Variants in DERL2 observed in about 807,000 individuals in gnomAD.
DERL2 encodes derlin-2.
In DERL2, 13 loss-of-function variants were observed where a neutral mutation model predicts 32.0. The ratio of observed to expected loss-of-function variants is 0.41; its 90% CI spans 0.26 to 0.65. The LOEUF (loss-of-function observed/expected upper bound fraction) is 0.65. DERL2 is among the 30% of genes least tolerant of loss of function. DERL2 has a pLI of 0.35. For missense variants in DERL2, 208 were observed against 296.3 expected (o/e 0.70, Z 2.19); for synonymous variants, 111 against 104.7 (o/e 1.06, Z -0.37).
rs1365539756 is a variant in DERL2, at chr17:5,472,255, G to C, written c.*2429C>G. 1 of 152,168 alleles carries C rather than the reference G, an allele frequency of 6.6e-6. No individual in the cohort carries two copies. The highest frequency in any genetic ancestry group is 2.4e-5 in the African/African-American group (1 of 41,432). 9.4% of individuals were successfully genotyped at this position (152,168 alleles called of 1,614,324 possible). On this transcript the variant is annotated 3_prime_UTR_variant, in exon 7 of 7. Transcript: ENST00000158771. ...CCTCAAATTATGTGTAAGGTTAGTTGGTTGGTCTCAAAATTCCATGTATCA... is the reference window on the plus strand; with the variant it reads ...CCTCAAATTATGTGTAAGGTTAGTTCGTTGGTCTCAAAATTCCATGTATCA...
chr17:5,486,277 GC>G, upstream of DERL2: 1 of 813,006 alleles, frequency 1.2e-6, no homozygotes, highest in Non-Finnish European at 1.9e-6. Flanking sequence ...TCCCGCGACT[GC>G]CCAATCAACG....
chr17:5,480,208 C>A (rs933566284), intron 5 of DERL2, 64 bp from the exon 6 acceptor site: 102 of 1,275,994 alleles, frequency 8.0e-5, no homozygotes, highest in Middle Eastern at 1.9e-4. Context: ...GGTAGACCTA[C>A]CAACACAAAT....
intron 6 of DERL2, among the ~76,000 whole-genome samples, chr17:5,475,472 T>C (rs1905323413): frequency 6.6e-6 from 1 of 152,108 alleles, no homozygotes; most frequent in Admixed American, 6.5e-5. Flanking sequence ...TTGGCCAGAC[T>C]GGTCTCGAAC....
rs766999615 is a variant in DERL2 at position 5,473,482 on chromosome 17, G to T, written c.*1202C>A. 2 of 152,076 alleles carry T rather than the reference G, an allele frequency of 1.3e-5. No individual in the cohort carries two copies. The highest frequency in any genetic ancestry group is 2.9e-5 in the Non-Finnish European group (2 of 68,024). The allele number at this position is 152,076 out of a possible 1,614,324, so 9.4% of individuals were successfully genotyped here. On this transcript the variant is annotated 3_prime_UTR_variant, in exon 7 of 7. Coordinates refer to ENST00000158771, the MANE Select transcript of DERL2 (RefSeq NM_016041.5). ...AATTTTCACGAAGCAAATGACTAAT[G>T]TTAACTAGCCAAAGACCCTGGAAGA...
upstream of DERL2, chr17:5,486,527 G>C (rs1488052593): frequency 5.5e-6 from 1 of 181,282 alleles, no homozygotes; most frequent in East Asian, 1.5e-4. Flanking sequence ...TCAGGAACGC[G>C]AGAGTATCCC....
At position 5,479,494 on chromosome 17, in the gene DERL2, T is replaced by C. The variant is rs1398705211; in HGVS notation, c.614+560A>G. Among the ~76,000 whole-genome samples the C allele has an allele frequency of 2.4e-4, 16 of 67,578 alleles. No homozygotes were observed. The Admixed American group carries it at 2.6e-3, about 11-fold the overall frequency. The allele number at this position is 67,578 out of a possible 152,430, so 44.3% of individuals were successfully genotyped here. On this transcript the variant is annotated intron_variant, in intron 6 of 6. Coordinates refer to ENST00000158771, the MANE Select transcript of DERL2 (RefSeq NM_016041.5). ...GCCTAGGTAACAGAGTGAGACTCCATGTAAAAAAAAAAAAAAAAAAAAAAA... is the reference window on the plus strand; with the variant it reads ...GCCTAGGTAACAGAGTGAGACTCCACGTAAAAAAAAAAAAAAAAAAAAAAA...
At position 5,473,645 on chromosome 17, in the gene DERL2, C is replaced by CA. The variant is rs1567608596; in HGVS notation, c.*1038dup. 2 of 95,476 alleles carry CA rather than the reference C, an allele frequency of 2.1e-5. No homozygotes were observed. The highest frequency in any genetic ancestry group is 1.9e-5 in the Non-Finnish European group (1 of 53,636). The allele number at this position is 95,476 out of a possible 1,614,324, so 5.9% of individuals were successfully genotyped here. ...TAAAAAAACAAAAAACAAAACAAAACAAAAAAGGCAAAAAAAAAAAAAATG... is the reference window on the plus strand; with the variant it reads ...TAAAAAAACAAAAAACAAAACAAAACAAAAAAAGGCAAAAAAAAAAAAAATG... On this transcript the variant is annotated 3_prime_UTR_variant, in exon 7 of 7. Transcript: ENST00000158771.
upstream of DERL2, chr17:5,486,220 G>GC (rs1469212599): frequency 2.2e-6 from 3 of 1,388,426 alleles, no homozygotes; most frequent in Non-Finnish European, 2.9e-6. Context: ...CCGCCAGCAG[G>GC]CCCCGGCGGC....
In DERL2 at chr17:5,472,494, A is replaced by T. The variant is rs950702654; in HGVS notation, c.*2190T>A. On this transcript the variant is annotated 3_prime_UTR_variant, in exon 7 of 7. Transcript: ENST00000158771. ...ATTACCACTGCTCAGGACACAGTGT[A>T]GTCAGTCACACAGCAGGGCATCCTG... 6.6e-6 allele frequency: 1 copy of T among 152,276 alleles called. No homozygotes were observed. Among genetic ancestry groups the T allele is most frequent in the Non-Finnish European group, 1.5e-5 (1 of 68,064 alleles). 9.4% of individuals were successfully genotyped at this position (152,276 alleles called of 1,614,324 possible). A position where few individuals can be genotyped will look rare whatever the true frequency, so the allele number is the denominator to read the frequency against.
At position 5,481,808 on chromosome 17, in the gene DERL2, C is replaced by G. The variant is rs1322382130; in HGVS notation, c.234-419G>C. ...GGGATTACAGTTGTGTGCCACCATG[C>G]CAGGCTATTTTTTGTATTTTTAGTA... is the stretch of plus-strand genomic sequence containing the variant. On this transcript the variant is annotated intron_variant, in intron 3 of 6. Coordinates refer to ENST00000158771, the MANE Select transcript of DERL2 (RefSeq NM_016041.5). This position sits in a 1 kb window ranked among gnomAD's most constrained non-coding sequence, Gnocchi z 4.4. Among the ~76,000 whole-genome samples the G allele has an allele frequency of 6.6e-6, 1 of 151,946 alleles. No homozygotes were observed. Among genetic ancestry groups the G allele is most frequent in the Non-Finnish European group, 1.5e-5 (1 of 67,924 alleles).
At chr17:5,479,933 C>T (rs1905659175) in intron 6 of DERL2, 121 bp downstream of exon 6, 2 of 633,162 alleles carry the variant, frequency 3.2e-6, no homozygotes, top group Non-Finnish European at 5.6e-6. Flanking sequence ...AATGCTCAAT[C>T]TGCAAATGGT....
At position 5,474,412 on chromosome 17, in the gene DERL2, A is replaced by T. The variant is rs935440699; in HGVS notation, c.*272T>A. 7 of 310,318 alleles carry T rather than the reference A, an allele frequency of 2.3e-5. No individual in the cohort carries two copies. The highest frequency in any genetic ancestry group is 4.1e-5 in the Non-Finnish European group (7 of 169,388). The allele number at this position is 310,318 out of a possible 1,614,324, so 19.2% of individuals were successfully genotyped here. ...CTGCCTTATACCATAAAAATCAAGTACTCATGTACTTGTTAGAGGTGGCAG... is the reference window on the plus strand; with the variant it reads ...CTGCCTTATACCATAAAAATCAAGTTCTCATGTACTTGTTAGAGGTGGCAG... On this transcript the variant is annotated 3_prime_UTR_variant, in exon 7 of 7. Coordinates refer to ENST00000158771, the MANE Select transcript of DERL2 (RefSeq NM_016041.5). This position sits in a 1 kb window ranked among gnomAD's most constrained non-coding sequence, Gnocchi z 4.3.
Position 5,472,302 on chromosome 17 carries a change from G to C in DERL2, c.*2382C>G, listed in dbSNP as rs1046986770. The C allele has an allele frequency of 6.6e-6, 1 of 152,218 alleles. No homozygotes were observed. Among genetic ancestry groups the C allele is most frequent in the Non-Finnish European group, 1.5e-5 (1 of 68,038 alleles). 9.4% of individuals were successfully genotyped at this position (152,218 alleles called of 1,614,324 possible). A position where few individuals can be genotyped will look rare whatever the true frequency, so the allele number is the denominator to read the frequency against. The stretch of plus-strand genomic sequence containing the variant: ...ATCAAATCTCACTTTCAGTTTATTT[G>C]CATTGTGAAAGGGAAGTGTGTTCTG... On this transcript the variant is annotated 3_prime_UTR_variant, in exon 7 of 7. Transcript: ENST00000158771.
At chr17:5,479,496 TAAAAAAAAAAAAAAAAAAA>T (rs11306765) in intron 6 of DERL2, among the ~76,000 whole-genome samples, 2 of 69,400 alleles carry the variant, frequency 2.9e-5, no homozygotes, top group African/African-American at 4.3e-5. Context: ...AGACTCCATG[TAAAAAAAAAAAAAAAAAAA>T]AAAAAAAAAA....
chr17:5,473,820 A>T lies in DERL2; in HGVS notation c.*864T>A, dbSNP rs112979805. On this transcript the variant is annotated 3_prime_UTR_variant, in exon 7 of 7. Transcript: ENST00000158771. ...AAAAATTTTTAATTAAAACTTTTTT[A>T]AAAATAAAAGAAAAAAAAAGTCTAA... The T allele has an allele frequency of 1.3e-5, 2 of 152,004 alleles. No homozygotes were observed. The highest frequency in any genetic ancestry group is 2.4e-5 in the African/African-American group (1 of 41,434). 9.4% of individuals were successfully genotyped at this position (152,004 alleles called of 1,614,324 possible). A position where few individuals can be genotyped will look rare whatever the true frequency, so the allele number is the denominator to read the frequency against.
intron 2 of DERL2, among the ~76,000 whole-genome samples, chr17:5,484,160 T>C (rs1281561958): frequency 6.6e-6 from 1 of 152,238 alleles, no homozygotes. Flanking sequence ...CAGAACAGCA[T>C]GTGTAGAGGC....
At chr17:5,479,648 C>T (rs1202993024) in intron 6 of DERL2, among the ~76,000 whole-genome samples, 1 of 152,108 alleles carries the variant, frequency 6.6e-6, no homozygotes, top group African/African-American at 2.4e-5. Context: ...TTCCACTCTG[C>T]TTCACTGCTT....
rs1366160973 is a variant in DERL2, at chr17:5,472,154, T to C, written c.*2530A>G. ...TTTATTTTTAAATGAACGTATACCGTATTTCCATAACAAACAAAAAACACT... is the reference window on the plus strand; with the variant it reads ...TTTATTTTTAAATGAACGTATACCGCATTTCCATAACAAACAAAAAACACT... On this transcript the variant is annotated 3_prime_UTR_variant, in exon 7 of 7. Transcript: ENST00000158771. 1 of 152,248 alleles carries C rather than the reference T, an allele frequency of 6.6e-6. No homozygotes were observed. The highest frequency in any genetic ancestry group is 1.5e-5 in the Non-Finnish European group (1 of 68,040). The allele number at this position is 152,248 out of a possible 1,614,324, so 9.4% of individuals were successfully genotyped here.
intron 6 of DERL2, among the ~76,000 whole-genome samples, chr17:5,476,850 G>A (rs1455894819): frequency 1.3e-5 from 2 of 152,172 alleles, no homozygotes; most frequent in Non-Finnish European, 2.9e-5. Context: ...CAGGATGGGG[G>A]TGGGGGCACA....
Sources: allele counts gnomAD v4.1 joint callset (sites outside exome capture counted in the v4.1 genomes callset), GRCh38; gene constraint gnomAD v4.1.1; non-coding constraint Gnocchi (gnomAD v3.1); transcripts MANE v1.5; gene names NCBI Gene and HGNC (gene_info 2026-07-23, HGNC 2026-07-21).